NKAIN2: variants seen among roughly 807,000 people sequenced by gnomAD.
NKAIN2 encodes sodium/potassium-transporting ATPase subunit beta-1-interacting protein 2.
Under a neutral mutation model 32.6 loss-of-function variants are expected in NKAIN2, and 14 were observed. The observed-to-expected ratio is 0.43, with a 90% CI of 0.28 to 0.67. NKAIN2 has a LOEUF of 0.67. Among genes scored for constraint, NKAIN2 ranks in the 30% least tolerant of loss-of-function variants. The probability of loss-of-function intolerance (pLI) is 0.17; values close to 1 mark genes in which losing one functional copy is unlikely to be tolerated. For missense variants in NKAIN2, 198 were observed against 258.3 expected (o/e 0.77, Z 1.60); for synonymous variants, 80 against 87.2 (o/e 0.92, Z 0.46).
chr6:123,925,578 T>A (rs541987625), intron 1 of NKAIN2, among the ~76,000 whole-genome samples: 2 of 152,298 alleles, frequency 1.3e-5, no homozygotes, highest in South Asian at 4.1e-4. Flanking sequence ...AGTTGTCCTC[T>A]GTAATTTAAA....
At chr6:124,348,927 G>A (rs1036699327) in intron 2 of NKAIN2, among the ~76,000 whole-genome samples, 5 of 152,120 alleles carry the variant, frequency 3.3e-5, no homozygotes, top group Non-Finnish European at 7.4e-5. Context: ...CTTAAAAAAC[G>A]GTGCACCAGG....
At chr6:124,169,545 A>G (rs1156700529) in intron 1 of NKAIN2, among the ~76,000 whole-genome samples, 1 of 152,190 alleles carries the variant, frequency 6.6e-6, no homozygotes, top group Non-Finnish European at 1.5e-5. Flanking sequence ...AGGCAAAAAG[A>G]TAAGTTCACT....
chr6:123,858,486 G>A (rs1775651189), intron 1 of NKAIN2, among the ~76,000 whole-genome samples: 1 of 151,974 alleles, frequency 6.6e-6, no homozygotes, highest in Non-Finnish European at 1.5e-5. Context: ...ACTATATAGG[G>A]GAAAAATAAT....
At chr6:124,169,518 T>C (rs913151170) in intron 1 of NKAIN2, among the ~76,000 whole-genome samples, 1 of 152,290 alleles carries the variant, frequency 6.6e-6, no homozygotes, top group Admixed American at 6.5e-5. Flanking sequence ...ATATAGTTTC[T>C]CAAATTAAAT....
At chr6:124,808,836 T>C (rs376967423) in intron 5 of NKAIN2, among the ~76,000 whole-genome samples, 54 of 152,110 alleles carry the variant, frequency 3.6e-4, no homozygotes, top group Middle Eastern at 3.4e-3. Context: ...TATACACCAA[T>C]AACAGACAAA....
intron 1 of NKAIN2, among the ~76,000 whole-genome samples, chr6:123,809,397 G>A (rs1407618988): frequency 6.6e-6 from 1 of 151,802 alleles, no homozygotes; most frequent in Non-Finnish European, 1.5e-5. Flanking sequence ...TCTATAGGAT[G>A]GAAATAAAAT....
At chr6:124,101,912 A>C (rs947105070) in intron 1 of NKAIN2, among the ~76,000 whole-genome samples, 1 of 152,196 alleles carries the variant, frequency 6.6e-6, no homozygotes, top group Non-Finnish European at 1.5e-5. Context: ...CAGTTTAGGC[A>C]CAGGCTTTGT....
At chr6:124,418,423 G>A (rs11962178) in intron 3 of NKAIN2, among the ~76,000 whole-genome samples, 14,909 of 150,454 alleles carry the variant, frequency 0.099, 2,256 homozygotes, top group African/African-American at 0.32. Context: ...CATTTTGTTA[G>A]AATAACTGAA....
intron 1 of NKAIN2, among the ~76,000 whole-genome samples, chr6:124,277,110 G>A (rs544902018): frequency 1.3e-5 from 2 of 152,242 alleles, no homozygotes; most frequent in South Asian, 2.1e-4. Flanking sequence ...AATCAAGGAC[G>A]TAGTATTCAA....
intron 5 of NKAIN2, among the ~76,000 whole-genome samples, chr6:124,805,047 G>C (rs1413382479): frequency 1.3e-5 from 2 of 152,200 alleles, no homozygotes; most frequent in South Asian, 4.1e-4. Flanking sequence ...GCCTCTGTAG[G>C]CTCCACCTCT....
intron 1 of NKAIN2, among the ~76,000 whole-genome samples, chr6:123,913,916 A>G (rs970369512): frequency 2.0e-4 from 30 of 152,182 alleles, no homozygotes; most frequent in African/African-American, 5.3e-4. Context: ...TTTACAAAAC[A>G]TATAGTATTT....
intron 4 of NKAIN2, among the ~76,000 whole-genome samples, chr6:124,764,952 T>C (rs1436463930): frequency 2.0e-5 from 3 of 152,206 alleles, no homozygotes. Context: ...AAAGGATGCC[T>C]AAATGCTTTC....
chr6:124,731,476 G>A (rs972627151), intron 4 of NKAIN2, among the ~76,000 whole-genome samples: 63 of 140,372 alleles, frequency 4.5e-4, no homozygotes, highest in Admixed American at 1.1e-3. Flanking sequence ...ACCAAACACC[G>A]CATATTCTCA....
intron 1 of NKAIN2, among the ~76,000 whole-genome samples, chr6:124,276,907 G>A (rs1795064200): frequency 6.6e-6 from 1 of 152,176 alleles, no homozygotes; most frequent in Non-Finnish European, 1.5e-5. Context: ...ATGAGCTCTA[G>A]TGTGGCAACA....
At chr6:124,797,260 A>T (rs1056362239) in intron 5 of NKAIN2, among the ~76,000 whole-genome samples, 1 of 151,608 alleles carries the variant, frequency 6.6e-6, no homozygotes, top group Non-Finnish European at 1.5e-5. Flanking sequence ...TCACTGGCTT[A>T]ATAGTTAAAC....
intron 4 of NKAIN2, among the ~76,000 whole-genome samples, chr6:124,776,135 G>C (rs1473379583): frequency 6.6e-6 from 1 of 152,150 alleles, no homozygotes; most frequent in Non-Finnish European, 1.5e-5. Flanking sequence ...AATATGTAGT[G>C]ATCTGTGTTC....
chr6:124,715,322 G>A (rs960688284), intron 4 of NKAIN2, among the ~76,000 whole-genome samples: 1 of 152,100 alleles, frequency 6.6e-6, no homozygotes, highest in South Asian at 2.1e-4. Flanking sequence ...TAGGAGAACG[G>A]GGTCACATGG....
At chr6:124,343,859 G>T (rs1172185059) in intron 2 of NKAIN2, among the ~76,000 whole-genome samples, 4 of 137,982 alleles carry the variant, frequency 2.9e-5, no homozygotes, top group African/African-American at 7.5e-5. Flanking sequence ...GTCAATTTTG[G>T]CTTTTGTTGC....
chr6:124,065,147 AC>A (rs1212868124), intron 1 of NKAIN2, among the ~76,000 whole-genome samples: 2 of 152,070 alleles, frequency 1.3e-5, no homozygotes, highest in Non-Finnish European at 2.9e-5. Flanking sequence ...AAAGATTTTC[AC>A]AGTATTTCAT....
Sources: allele counts gnomAD v4.1 joint callset (sites outside exome capture counted in the v4.1 genomes callset), GRCh38; gene constraint gnomAD v4.1.1; transcripts MANE v1.5; gene names NCBI Gene and HGNC (gene_info 2026-07-23, HGNC 2026-07-21).